Variants in RBFOX3 observed in about 807,000 individuals in gnomAD.
RBFOX3 encodes RNA binding fox-1 homolog 3, also known as RNA binding protein fox-1 homolog 3.
A neutral mutation model predicts 48.7 loss-of-function variants in RBFOX3; 17 were observed. The ratio of observed to expected loss-of-function variants is 0.35; its 90% CI spans 0.24 to 0.52. The LOEUF (loss-of-function observed/expected upper bound fraction) is 0.52. Ranked by LOEUF, RBFOX3 falls within the 20% of genes least tolerant of loss-of-function variation. The probability of loss-of-function intolerance (pLI) is 0.94; values close to 1 mark genes in which losing one functional copy is unlikely to be tolerated. For synonymous variants in RBFOX3, 212 were observed against 209.5 expected (o/e 1.01, Z -0.10); for missense variants, 382 against 497.5 (o/e 0.77, Z 2.21).
In RBFOX3 at chr17:79,584,751, A is replaced by AT. The variant is rs1339693999; in HGVS notation, c.-320+26074dup. ...GCAAAGATTAAGAATGATACACTGG[A>AT]TTTTTTTATTTTTATTTATTTATTT... is the stretch of plus-strand genomic sequence containing the variant. On this transcript the variant is annotated intron_variant, in intron 1 of 14. Transcript: ENST00000693108. Among the ~76,000 whole-genome samples the AT allele has an allele frequency of 8.9e-4, 122 of 137,564 alleles. 3 individuals are homozygous for AT. In the South Asian group the frequency reaches 0.024, roughly 27 times the overall value. 90.2% of individuals were successfully genotyped at this position (137,564 alleles called of 152,430 possible). A position where few individuals can be genotyped will look rare whatever the true frequency, so the allele number is the denominator to read the frequency against.
At chr17:79,339,033 G>C (rs1292823703) in intron 2 of RBFOX3, among the ~76,000 whole-genome samples, 1 of 151,478 alleles carries the variant, frequency 6.6e-6, no homozygotes, top group African/African-American at 2.4e-5. Flanking sequence ...TATTTACCAA[G>C]TTGTGCAGGT....
intron 4 of RBFOX3, among the ~76,000 whole-genome samples, chr17:79,210,812 G>A (rs2058279791): frequency 6.6e-6 from 1 of 152,102 alleles, no homozygotes; most frequent in African/African-American, 2.4e-5. Flanking sequence ...AACACAATGA[G>A]GGTGCCGAGT....
Position 79,479,986 on chromosome 17 carries a change from A to G in RBFOX3, c.-175+2468T>C, listed in dbSNP as rs2078544167. Reference sequence around the variant, plus strand: ...AGGCCAGCCCCAAACCTCGTGCCCTATACTCATTTTCTCAGACAGCCTGCA... The same window carrying G: ...AGGCCAGCCCCAAACCTCGTGCCCTGTACTCATTTTCTCAGACAGCCTGCA... On this transcript the variant is annotated intron_variant, in intron 2 of 14. Transcript: ENST00000693108. This position sits in a 1 kb window ranked among gnomAD's most constrained non-coding sequence, Gnocchi z 5.1. 1.3e-5 allele frequency among the ~76,000 whole-genome samples: 2 copies of G among 152,086 alleles called. No homozygotes were observed.
intron 2 of RBFOX3, among the ~76,000 whole-genome samples, chr17:79,402,968 G>C (rs568413789): frequency 6.6e-6 from 1 of 152,258 alleles, no homozygotes; most frequent in East Asian, 1.9e-4. Flanking sequence ...GGCTCATCAG[G>C]ATCGCCATCA....
In RBFOX3 at chr17:79,094,147, G is replaced by A. The variant is rs888505577; in HGVS notation, c.1077+304C>T. The stretch of plus-strand genomic sequence containing the variant: ...TTCCTGGTGGAAATGGGAATGGAGG[G>A]GCCTCAACGGGACTTTATTATAGTG... On this transcript the variant is annotated intron_variant, in intron 14 of 14. Transcript: ENST00000693108. 9 of 401,248 alleles carry A rather than the reference G, an allele frequency of 2.2e-5. No individual in the cohort carries two copies. In the Admixed American group the frequency reaches 3.1e-4, roughly 14 times the overall value. 24.9% of individuals were successfully genotyped at this position (401,248 alleles called of 1,614,324 possible).
chr17:79,370,997 C>CG (rs2058458794), intron 2 of RBFOX3, among the ~76,000 whole-genome samples: 1 of 138,506 alleles, frequency 7.2e-6, no homozygotes, highest in African/African-American at 2.9e-5. Context: ...TCTCCTCCCC[C>CG]GGTAGGGGGT....
chr17:79,305,097 G>A (rs1343988022), intron 3 of RBFOX3, among the ~76,000 whole-genome samples: 1 of 152,194 alleles, frequency 6.6e-6, no homozygotes, highest in East Asian at 1.9e-4. Flanking sequence ...GCCTGGCCAG[G>A]GCAGGAAGCA....
rs1281725304 is a variant in RBFOX3 at position 79,611,001 on chromosome 17, C to T, written c.-495G>A. ...CTGTGGCAGCTGCTTCTCCTCCGAC[C>T]ACGCGAGCTGCTGGGGCCCGGCTGG... is the stretch of plus-strand genomic sequence containing the variant. On this transcript the variant is annotated 5_prime_UTR_variant, in exon 1 of 15. Coordinates refer to ENST00000693108, the MANE Select transcript of RBFOX3 (RefSeq NM_001350451.2). Among the ~76,000 whole-genome samples the T allele has an allele frequency of 4.6e-5, 7 of 151,286 alleles. No homozygotes were observed. Among genetic ancestry groups the T allele is most frequent in the African/African-American group, 1.7e-4 (7 of 41,330 alleles).
chr17:79,629,111 G>A, the RBFOX3 span, among the ~76,000 whole-genome samples: 1 of 152,220 alleles, frequency 6.6e-6, no homozygotes, highest in Non-Finnish European at 1.5e-5. Flanking sequence ...TCCTGCCCCC[G>A]CGCCCTGGGT....
rs2031258449 is a variant in RBFOX3 at position 79,111,150 on chromosome 17, C to T, written c.222+4344G>A. Among the ~76,000 whole-genome samples, 1 of 152,230 alleles carries T rather than the reference C, an allele frequency of 6.6e-6. No individual in the cohort carries two copies. The highest frequency in any genetic ancestry group is 2.1e-4 in the South Asian group (1 of 4,832). On this transcript the variant is annotated intron_variant, in intron 5 of 14. Coordinates refer to ENST00000693108, the MANE Select transcript of RBFOX3 (RefSeq NM_001350451.2). The surrounding 1 kb of genome is among the most constrained non-coding windows in gnomAD (Gnocchi z 4.2). ...GACAGCAGAAAGGACAGAGGTTCAT[C>T]CTGGGGCTGCAGGTCACTGGGCAGA...
intron 3 of RBFOX3, among the ~76,000 whole-genome samples, chr17:79,307,042 T>C (rs2076196922): frequency 6.6e-6 from 1 of 152,236 alleles, no homozygotes. Flanking sequence ...CCAAGGCTAT[T>C]AATAGGCTAA....
chr17:79,361,503 C>T lies in RBFOX3; in HGVS notation c.-174-53679G>A, dbSNP rs898670839. On this transcript the variant is annotated intron_variant, in intron 2 of 14. Transcript: ENST00000693108. The surrounding 1 kb of genome is among the most constrained non-coding windows in gnomAD (Gnocchi z 4.5). ...CTTGCCAACACCCTGGCCACCACCTCCTGCCCCTGAGCCCGCGTGGCTCTC... is the reference window on the plus strand; with the variant it reads ...CTTGCCAACACCCTGGCCACCACCTTCTGCCCCTGAGCCCGCGTGGCTCTC... Among the ~76,000 whole-genome samples the T allele has an allele frequency of 6.6e-6, 1 of 152,228 alleles. No individual in the cohort carries two copies. The highest frequency in any genetic ancestry group is 1.5e-5 in the Non-Finnish European group (1 of 68,040).
chr17:79,640,953 A>T, the RBFOX3 span, among the ~76,000 whole-genome samples: 1 of 152,320 alleles, frequency 6.6e-6, no homozygotes, highest in East Asian at 1.9e-4. Context: ...AAAATAAGTG[A>T]GATTGCATCA....
chr17:79,448,302 G>C (rs1555739503), intron 2 of RBFOX3, among the ~76,000 whole-genome samples: 1 of 152,184 alleles, frequency 6.6e-6, no homozygotes, highest in Admixed American at 6.5e-5. Context: ...CTCCCAAAAA[G>C]ATGTGTCCAA....
At chr17:79,156,600 C>G (rs961549682) in intron 4 of RBFOX3, among the ~76,000 whole-genome samples, 2 of 152,194 alleles carry the variant, frequency 1.3e-5, no homozygotes, top group Non-Finnish European at 2.9e-5. Context: ...AAATCTGGCC[C>G]GCTGCTTCTC....
intron 4 of RBFOX3, among the ~76,000 whole-genome samples, chr17:79,152,013 A>AAT (rs2044634955): frequency 2.0e-5 from 3 of 151,548 alleles, no homozygotes; most frequent in African/African-American, 7.3e-5. Context: ...CGCAGGGGAG[A>AAT]ACGCTAAGAA....
chr17:79,292,352 C>G (rs1478894828), intron 3 of RBFOX3, among the ~76,000 whole-genome samples: 1 of 152,012 alleles, frequency 6.6e-6, no homozygotes, highest in Non-Finnish European at 1.5e-5. Flanking sequence ...TTCTATTGTG[C>G]CTTCCTTGTC....
At chr17:79,467,479 T>C (rs996084881) in intron 2 of RBFOX3, among the ~76,000 whole-genome samples, 10 of 152,162 alleles carry the variant, frequency 6.6e-5, no homozygotes, top group African/African-American at 1.7e-4. Flanking sequence ...ATGTGGATGT[T>C]GAGGACATGA....
intron 1 of RBFOX3, among the ~76,000 whole-genome samples, chr17:79,533,508 C>A (rs1184213987): frequency 6.6e-6 from 1 of 152,256 alleles, no homozygotes; most frequent in East Asian, 1.9e-4. Context: ...TCTCTCCTGG[C>A]CGACTGGGGG....
Sources: gnomAD v4.1 joint callset for allele counts (sites outside exome capture counted in the v4.1 genomes callset) on GRCh38, gnomAD v4.1.1 for gene constraint, Gnocchi (gnomAD v3.1) non-coding constraint, MANE v1.5 for transcripts, NCBI Gene and HGNC (gene_info 2026-07-23, HGNC 2026-07-21) for gene names.